SPAG16: variants seen among roughly 807,000 people sequenced by gnomAD.
SPAG16 encodes the protein sperm-associated antigen 16 protein.
In SPAG16, 86 loss-of-function variants were observed where a neutral mutation model predicts 80.4. That is an observed-to-expected ratio of 1.07 (90% CI 0.90 to 1.28). SPAG16 has a LOEUF of 1.28. Ranked by LOEUF, SPAG16 falls within the 50% of genes most tolerant of loss-of-function variation. The pLI, the probability that SPAG16 is intolerant of heterozygous loss-of-function variation, is 0.00. For missense variants in SPAG16, 870 were observed against 765.3 expected (o/e 1.14, Z -1.61); for synonymous variants, 294 against 265.9 (o/e 1.11, Z -1.03).
intron 12 of SPAG16, among the ~76,000 whole-genome samples, chr2:213,942,945 A>G (rs913601686): frequency 2.6e-5 from 4 of 152,128 alleles, no homozygotes; most frequent in African/African-American, 9.7e-5. Flanking sequence ...GCCCTCGTGA[A>G]TGAGATTAGT....
chr2:213,426,464 CA>C (rs2069920377), intron 9 of SPAG16, among the ~76,000 whole-genome samples: 1 of 151,806 alleles, frequency 6.6e-6, no homozygotes, highest in Non-Finnish European at 1.5e-5. Context: ...TGTGAGCTTG[CA>C]ATCTAATGAT....
intron 15 of SPAG16, among the ~76,000 whole-genome samples, chr2:214,324,434 G>A (rs796251698): frequency 1.3e-5 from 2 of 152,286 alleles, no homozygotes; most frequent in African/African-American, 4.8e-5. Flanking sequence ...GGCAATATTT[G>A]GTGAAGATGC....
intron 10 of SPAG16, among the ~76,000 whole-genome samples, chr2:213,738,778 A>C (rs1032469691): frequency 2.0e-5 from 3 of 152,178 alleles, no homozygotes; most frequent in African/African-American, 7.2e-5. Flanking sequence ...AACACATGGT[A>C]GGATTGCACT....
chr2:213,927,157 C>A (rs933380206), intron 11 of SPAG16, among the ~76,000 whole-genome samples: 1 of 152,170 alleles, frequency 6.6e-6, no homozygotes, highest in Non-Finnish European at 1.5e-5. Context: ...AGGCACTAAT[C>A]GTATTACAGG....
chr2:214,231,272 A>G (rs773373347), intron 15 of SPAG16, among the ~76,000 whole-genome samples: 13 of 152,030 alleles, frequency 8.6e-5, no homozygotes, highest in Non-Finnish European at 1.8e-4. Flanking sequence ...TCAATCTAGA[A>G]TAGAGGTAAA....
chr2:214,085,720 C>A (rs952915365), intron 13 of SPAG16, among the ~76,000 whole-genome samples: 1 of 152,188 alleles, frequency 6.6e-6, no homozygotes, highest in Non-Finnish European at 1.5e-5. Context: ...ATGCCATTCA[C>A]ATAGTCATAA....
At chr2:213,912,301 C>G (rs1389788558) in intron 11 of SPAG16, among the ~76,000 whole-genome samples, 1 of 151,954 alleles carries the variant, frequency 6.6e-6, no homozygotes. Flanking sequence ...ACAATAAAAT[C>G]CAACATCTTT....
chr2:213,695,785 C>T (rs762845224), intron 10 of SPAG16, among the ~76,000 whole-genome samples: 8 of 152,144 alleles, frequency 5.3e-5, no homozygotes. Flanking sequence ...CATCAATGCA[C>T]ATGCAGTTGA....
chr2:214,301,943 T>C (rs1694579481), intron 15 of SPAG16, among the ~76,000 whole-genome samples: 1 of 152,164 alleles, frequency 6.6e-6, no homozygotes, highest in Admixed American at 6.5e-5. Context: ...GCACTGAGCT[T>C]GCTCTCTCCT....
At position 213,666,304 on chromosome 2, in the gene SPAG16, A is replaced by G. The variant is rs528745543; in HGVS notation, c.1070+176214A>G. On this transcript the variant is annotated intron_variant, in intron 10 of 15. Transcript: ENST00000331683. ...ATTGAATTTTCCCTCTTGGTCAATC[A>G]TACAAAATTTAGAATTAATACAATA... Among the ~76,000 whole-genome samples, 5 of 152,260 alleles carry G rather than the reference A, an allele frequency of 3.3e-5. No individual in the cohort carries two copies. In the South Asian group the frequency reaches 1.0e-3, roughly 32 times the overall value.
At chr2:213,606,983 A>G (rs1373764505) in intron 10 of SPAG16, among the ~76,000 whole-genome samples, 1 of 152,250 alleles carries the variant, frequency 6.6e-6, no homozygotes, top group African/African-American at 2.4e-5. Context: ...AAAACAGCAG[A>G]GACACGTAAT....
At chr2:213,593,134 A>G (rs2060765424) in intron 10 of SPAG16, among the ~76,000 whole-genome samples, 1 of 152,160 alleles carries the variant, frequency 6.6e-6, no homozygotes, top group Non-Finnish European at 1.5e-5. Context: ...AAGATTAGCC[A>G]ATGTCTTTTC....
chr2:213,455,600 G>T (rs2071952173), intron 9 of SPAG16, among the ~76,000 whole-genome samples: 1 of 152,160 alleles, frequency 6.6e-6, no homozygotes, highest in Admixed American at 6.5e-5. Context: ...GATGAGGGCA[G>T]GGGTTTAGTT....
At chr2:214,232,990 T>C (rs969156094) in intron 15 of SPAG16, among the ~76,000 whole-genome samples, 3 of 151,742 alleles carry the variant, frequency 2.0e-5, no homozygotes, top group African/African-American at 7.3e-5. Context: ...CAGAGCAAAA[T>C]AAAATGTGCA....
At chr2:213,703,390 G>A (rs758810242) in intron 10 of SPAG16, among the ~76,000 whole-genome samples, 13 of 152,120 alleles carry the variant, frequency 8.5e-5, no homozygotes, top group Non-Finnish European at 1.2e-4. Flanking sequence ...ATTCTCCAGC[G>A]CAGAGAGAGC....
chr2:213,437,857 C>T (rs1205668463), intron 9 of SPAG16, among the ~76,000 whole-genome samples: 1 of 152,180 alleles, frequency 6.6e-6, no homozygotes, highest in Non-Finnish European at 1.5e-5. Flanking sequence ...TTAGTTAATA[C>T]AGTAAATAGC....
intron 6 of SPAG16, among the ~76,000 whole-genome samples, chr2:213,341,801 A>T (rs768104368): frequency 6.6e-6 from 1 of 152,134 alleles, no homozygotes; most frequent in Non-Finnish European, 1.5e-5. Flanking sequence ...TCGGCCTCCC[A>T]AAGTGTTGGA....
intron 11 of SPAG16, among the ~76,000 whole-genome samples, chr2:213,913,685 G>A (rs938034326): frequency 7.4e-6 from 1 of 135,130 alleles, no homozygotes; most frequent in African/African-American, 2.8e-5. Context: ...GGATATATAT[G>A]CATACACATA....
intron 9 of SPAG16, among the ~76,000 whole-genome samples, chr2:213,417,081 G>C (rs1479700821): frequency 6.6e-6 from 1 of 152,186 alleles, no homozygotes; most frequent in Non-Finnish European, 1.5e-5. Context: ...GTTAAAGGAG[G>C]TAAAGCTCTG....
Sources: gnomAD v4.1 joint callset for allele counts (sites outside exome capture counted in the v4.1 genomes callset) on GRCh38, gnomAD v4.1.1 for gene constraint, MANE v1.5 for transcripts, NCBI Gene and HGNC (gene_info 2026-07-23, HGNC 2026-07-21) for gene names.